ZNF609: variants seen among roughly 807,000 people sequenced by gnomAD.
ZNF609 encodes the protein zinc finger protein 609.
ZNF609 carries 11 observed loss-of-function variants against 109.5 expected under a neutral mutation model. The observed-to-expected ratio is 0.10, with a 90% confidence interval of 0.06 to 0.17. ZNF609 has a LOEUF of 0.17. Among genes scored for constraint, ZNF609 ranks in the 10% least tolerant of loss-of-function variants. The pLI, the probability that ZNF609 is intolerant of heterozygous loss-of-function variation, is 1.00. For synonymous variants in ZNF609, 646 were observed against 662.0 expected, an observed-to-expected ratio of 0.98 and a Z score of 0.37; for missense variants, 1,559 against 1,772.4, an observed-to-expected ratio of 0.88 and a Z score of 2.16.
At chr15:64,488,321 G>A (rs1449477414) in intron 1 of ZNF609, among the ~76,000 whole-genome samples, 1 of 152,198 alleles carries the variant, frequency 6.6e-6, no homozygotes, top group Non-Finnish European at 1.5e-5. Flanking sequence ...GCATTGATAT[G>A]ATTCTGCTCA....
chr15:64,667,525 A>G (rs974581407), intron 3 of ZNF609, among the ~76,000 whole-genome samples: 17 of 152,088 alleles, frequency 1.1e-4, no homozygotes, highest in Non-Finnish European at 1.6e-4. Flanking sequence ...CCTGACCAAC[A>G]TGGTGAAACC....
intron 3 of ZNF609, chr15:64,631,630 T>C (rs1896080883): frequency 2.9e-6 from 1 of 347,964 alleles, no homozygotes; most frequent in Non-Finnish European, 5.4e-6. Context: ...CCTCCTGGGT[T>C]CAAGCGATTC....
rs966253867 is a variant in ZNF609, at chr15:64,533,622, T to C, written c.747+33456T>C. Among the ~76,000 whole-genome samples, 3 of 152,252 alleles carry C rather than the reference T, an allele frequency of 2.0e-5. No homozygotes were observed. The East Asian group carries it at 5.8e-4, about 29-fold the overall frequency. ...CCCCCTCCTTGTGGGTTTAAGTCTT[T>C]TAAAATTCTTTATTGTTTCAGTGTG... is the stretch of plus-strand genomic sequence containing the variant. On this transcript the variant is annotated intron_variant, in intron 2 of 9. Transcript: ENST00000326648.
intron 2 of ZNF609, among the ~76,000 whole-genome samples, chr15:64,538,170 C>T (rs147084643): frequency 8.6e-5 from 13 of 151,542 alleles, no homozygotes; most frequent in African/African-American, 1.4e-4. Flanking sequence ...TAATCTCTTT[C>T]CTTTGTTGCA....
At position 64,622,680 on chromosome 15, in the gene ZNF609, C is replaced by G. The variant is rs1448343678; in HGVS notation, c.748-147C>G. ...CTAGATTTGTAGTGGTATCATAAGC[C>G]AGAACTTGAAAGGAAGAACCAAAGT... is the stretch of plus-strand genomic sequence containing the variant. On this transcript the variant is annotated intron_variant, in intron 2 of 9. Coordinates refer to ENST00000326648, the MANE Select transcript of ZNF609 (RefSeq NM_015042.2). 1.3e-5 allele frequency: 9 copies of G among 682,530 alleles called. No individual in the cohort carries two copies. The East Asian group carries it at 2.3e-4, about 17-fold the overall frequency. 42.3% of individuals were successfully genotyped at this position (682,530 alleles called of 1,614,324 possible).
chr15:64,544,107 G>C (rs1894316725), intron 2 of ZNF609, among the ~76,000 whole-genome samples: 1 of 152,222 alleles, frequency 6.6e-6, no homozygotes, highest in African/African-American at 2.4e-5. Flanking sequence ...TGGAGGCCAA[G>C]GACGGCGGAT....
At chr15:64,606,009 C>T (rs902511982) in intron 2 of ZNF609, among the ~76,000 whole-genome samples, 19 of 149,522 alleles carry the variant, frequency 1.3e-4, no homozygotes, top group Middle Eastern at 3.5e-3. Context: ...CCCGCCTCGG[C>T]CTCCCAAAGT....
intron 2 of ZNF609, among the ~76,000 whole-genome samples, chr15:64,556,460 T>C (rs535592085): frequency 6.6e-6 from 1 of 151,254 alleles, no homozygotes; most frequent in African/African-American, 2.5e-5. Context: ...CCAGCCATTA[T>C]TCTAAATGCT....
At chr15:64,530,095 A>C (rs541163698) in intron 2 of ZNF609, among the ~76,000 whole-genome samples, 1 of 147,926 alleles carries the variant, frequency 6.8e-6, no homozygotes, top group South Asian at 2.2e-4. Flanking sequence ...GCTCACTGCA[A>C]CCTCTGCCTC....
chr15:64,497,007 G>A (rs1893491184), intron 1 of ZNF609, among the ~76,000 whole-genome samples: 2 of 152,078 alleles, frequency 1.3e-5, no homozygotes, highest in Non-Finnish European at 2.9e-5. Flanking sequence ...TAGAGACAGG[G>A]TTTTGCCATG....
At chr15:64,592,807 G>A (rs1336931981) in intron 2 of ZNF609, among the ~76,000 whole-genome samples, 2 of 148,546 alleles carry the variant, frequency 1.3e-5, no homozygotes, top group African/African-American at 5.0e-5. Flanking sequence ...CAGCTGCTTG[G>A]GAGGCTGAGG....
chr15:64,640,457 A>T lies in ZNF609; in HGVS notation c.973+17405A>T, dbSNP rs1395866594. Among the ~76,000 whole-genome samples the T allele has an allele frequency of 2.0e-5, 3 of 152,088 alleles. No individual in the cohort carries two copies. In the East Asian group the frequency reaches 5.8e-4, roughly 29 times the overall value. ...AGCTCTACTCTGTTAACAAACTCTG[A>T]AACAGTCAAGTAGAGGTTACCAGAA... On this transcript the variant is annotated intron_variant, in intron 3 of 9. Coordinates refer to ENST00000326648, the MANE Select transcript of ZNF609 (RefSeq NM_015042.2).
At chr15:64,615,579 T>C (rs1895787045) in intron 2 of ZNF609, among the ~76,000 whole-genome samples, 1 of 151,386 alleles carries the variant, frequency 6.6e-6, no homozygotes, top group Admixed American at 6.6e-5. Context: ...TTCTGCCTCC[T>C]GGGTTCAAGC....
chr15:64,576,997 AATAT>A (rs757389866), intron 2 of ZNF609, among the ~76,000 whole-genome samples: 2 of 123,658 alleles, frequency 1.6e-5, no homozygotes, highest in African/African-American at 6.6e-5. Context: ...TATACACATA[AATAT>A]ATATATGTAT....
intron 3 of ZNF609, among the ~76,000 whole-genome samples, chr15:64,630,646 C>T (rs906842173): frequency 2.6e-5 from 4 of 151,598 alleles, no homozygotes; most frequent in East Asian, 1.9e-4. Flanking sequence ...CTGCAACCTC[C>T]GAGAAGAAAT....
intron 2 of ZNF609, among the ~76,000 whole-genome samples, chr15:64,559,555 G>A (rs539613926): frequency 6.6e-5 from 10 of 152,286 alleles, no homozygotes; most frequent in Middle Eastern, 6.8e-3. Context: ...TGTGTACCAG[G>A]TTCTGTGATC....
At chr15:64,467,681 C>T (rs1893035207) in intron 1 of ZNF609, among the ~76,000 whole-genome samples, 2 of 152,108 alleles carry the variant, frequency 1.3e-5, no homozygotes, top group Admixed American at 1.3e-4. Flanking sequence ...CCTGTCTCTA[C>T]TAAAAATACA....
chr15:64,643,296 T>G (rs1896289076), intron 3 of ZNF609, among the ~76,000 whole-genome samples: 1 of 152,162 alleles, frequency 6.6e-6, no homozygotes, highest in South Asian at 2.1e-4. Flanking sequence ...AACTATAATT[T>G]ATTTACTTTC....
At chr15:64,561,521 A>G (rs1211899710) in intron 2 of ZNF609, among the ~76,000 whole-genome samples, 2 of 147,280 alleles carry the variant, frequency 1.4e-5, no homozygotes, top group Admixed American at 6.8e-5. Context: ...TTATTCTCTC[A>G]TAATATTTTT....
Sources: allele counts gnomAD v4.1 joint callset (sites outside exome capture counted in the v4.1 genomes callset), GRCh38; gene constraint gnomAD v4.1.1; transcripts MANE v1.5; gene names NCBI Gene and HGNC (gene_info 2026-07-23, HGNC 2026-07-21).